Variants in DCC observed in about 807,000 individuals in gnomAD.
DCC encodes the protein DCC netrin 1 receptor.
In DCC, 58 loss-of-function variants were observed where a neutral mutation model predicts 172.5. The ratio of observed to expected loss-of-function variants is 0.34; its 90% confidence interval spans 0.27 to 0.42. The LOEUF (loss-of-function observed/expected upper bound fraction) is 0.42. Among genes scored for constraint, DCC ranks in the 10% least tolerant of loss-of-function variants. DCC has a pLI of 1.00. For synonymous variants in DCC, 709 were observed against 644.5 expected, an observed-to-expected ratio of 1.10 and a Z score of -1.52; for missense variants, 1,740 against 1,791.0, an observed-to-expected ratio of 0.97 and a Z score of 0.51.
chr18:53,519,528 GTT>G (rs34417946), intron 27 of DCC, among the ~76,000 whole-genome samples: 16 of 140,324 alleles, frequency 1.1e-4, no homozygotes, highest in South Asian at 4.5e-4. Flanking sequence ...AAAATGAAGT[GTT>G]TTTTTTTTTT....
chr18:52,886,289 C>T (rs574623115), intron 2 of DCC, among the ~76,000 whole-genome samples: 17 of 152,226 alleles, frequency 1.1e-4, no homozygotes, highest in African/African-American at 2.4e-4. Flanking sequence ...AACCCCAGAG[C>T]GCTTTGGACC....
At chr18:53,317,853 G>A (rs2057361405) in intron 13 of DCC, among the ~76,000 whole-genome samples, 2 of 152,034 alleles carry the variant, frequency 1.3e-5, no homozygotes, top group Admixed American at 6.5e-5. Context: ...CTTTTATTGT[G>A]TCTATTTGAT....
At chr18:52,441,061 CT>C (rs1007966695) in intron 1 of DCC, among the ~76,000 whole-genome samples, 10 of 152,088 alleles carry the variant, frequency 6.6e-5, no homozygotes, top group African/African-American at 2.4e-4. Flanking sequence ...TCAAGTTTGC[CT>C]TGAGGCTATG....
At chr18:52,654,130 C>T (rs933227123) in intron 1 of DCC, among the ~76,000 whole-genome samples, 1 of 152,174 alleles carries the variant, frequency 6.6e-6, no homozygotes, top group African/African-American at 2.4e-5. Flanking sequence ...CCAAATTCCT[C>T]ACATATTGCC....
intron 1 of DCC, among the ~76,000 whole-genome samples, chr18:52,448,727 T>G (rs927822036): frequency 6.6e-6 from 1 of 152,198 alleles, no homozygotes; most frequent in East Asian, 1.9e-4. Context: ...ATATACAGTT[T>G]TTACTTAGTG....
At chr18:52,908,917 C>T (rs1346831174) in intron 3 of DCC, among the ~76,000 whole-genome samples, 2 of 151,986 alleles carry the variant, frequency 1.3e-5, no homozygotes, top group South Asian at 2.1e-4. Context: ...CACATGCATG[C>T]GCACACACAC....
chr18:52,868,957 G>T (rs1447754015), intron 2 of DCC, among the ~76,000 whole-genome samples: 1 of 152,216 alleles, frequency 6.6e-6, no homozygotes, highest in Non-Finnish European at 1.5e-5. Context: ...AGTTTCCCCA[G>T]CTGGCACTGG....
At position 52,448,472 on chromosome 18, in the gene DCC, T is replaced by A. The variant is rs1306885125; in HGVS notation, c.91+107594T>A. Among the ~76,000 whole-genome samples the A allele has an allele frequency of 1.1e-4, 16 of 152,236 alleles. No individual in the cohort carries two copies. In the East Asian group the frequency reaches 1.5e-3, roughly 15 times the overall value. ...AGATAAATTTATAGAGTTTTTTTTT[T>A]AATTATTGGCTAAGCATTTTGAATT... On this transcript the variant is annotated intron_variant, in intron 1 of 28. Transcript: ENST00000442544.
chr18:52,834,756 TTCTC>T (rs1229715357), intron 2 of DCC, among the ~76,000 whole-genome samples: 1 of 152,220 alleles, frequency 6.6e-6, no homozygotes, highest in African/African-American at 2.4e-5. Context: ...ATTTTTTTAA[TTCTC>T]TGTGGTCTTC....
At chr18:53,348,940 C>T (rs1431391037) in intron 15 of DCC, among the ~76,000 whole-genome samples, 1 of 152,164 alleles carries the variant, frequency 6.6e-6, no homozygotes, top group Non-Finnish European at 1.5e-5. Context: ...GCCCTGGAGA[C>T]ATTTTCTCCA....
At chr18:53,117,852 T>G (rs2043429273) in intron 7 of DCC, among the ~76,000 whole-genome samples, 1 of 151,800 alleles carries the variant, frequency 6.6e-6, no homozygotes, top group Admixed American at 6.6e-5. Flanking sequence ...CACTGAAATT[T>G]GAATTTCACA....
intron 13 of DCC, among the ~76,000 whole-genome samples, chr18:53,318,511 A>T (rs1217090176): frequency 6.6e-6 from 1 of 152,170 alleles, no homozygotes; most frequent in Non-Finnish European, 1.5e-5. Flanking sequence ...CTTGGTCCAG[A>T]GCCGAGTTCA....
chr18:52,400,660 C>T (rs1187558642), intron 1 of DCC, among the ~76,000 whole-genome samples: 4 of 152,060 alleles, frequency 2.6e-5, no homozygotes, highest in African/African-American at 7.2e-5. Context: ...TTTATTGCAG[C>T]ACTGTTCACA....
intron 2 of DCC, among the ~76,000 whole-genome samples, chr18:52,830,831 T>C (rs546969752): frequency 1.1e-4 from 17 of 152,310 alleles, no homozygotes; most frequent in Middle Eastern, 6.8e-3. Flanking sequence ...TCAGGCACTA[T>C]TCCAATTACT....
intron 3 of DCC, among the ~76,000 whole-genome samples, chr18:52,909,122 G>T (rs2039931657): frequency 6.6e-6 from 1 of 152,272 alleles, no homozygotes; most frequent in African/African-American, 2.4e-5. Flanking sequence ...GCAAATCTCT[G>T]CTTCTCTTAG....
intron 27 of DCC, among the ~76,000 whole-genome samples, chr18:53,522,207 T>A (rs1195530390): frequency 6.6e-6 from 1 of 152,076 alleles, no homozygotes; most frequent in Non-Finnish European, 1.5e-5. Flanking sequence ...GCCAAGGTTT[T>A]TAGTGGCTGC....
intron 15 of DCC, among the ~76,000 whole-genome samples, chr18:53,381,521 A>C (rs1181927448): frequency 6.6e-6 from 1 of 151,286 alleles, no homozygotes; most frequent in Non-Finnish European, 1.5e-5. Flanking sequence ...CAAATCTCCT[A>C]GCATAAACAC....
At chr18:53,160,710 A>G (rs557310874) in intron 8 of DCC, among the ~76,000 whole-genome samples, 1 of 152,110 alleles carries the variant, frequency 6.6e-6, no homozygotes, top group African/African-American at 2.4e-5. Flanking sequence ...ATACGCTCCT[A>G]ATGATATTTC....
intron 1 of DCC, among the ~76,000 whole-genome samples, chr18:52,651,588 T>A (rs1015741194): frequency 2.0e-5 from 3 of 152,074 alleles, no homozygotes; most frequent in East Asian, 1.9e-4. Context: ...CCTTTTTATC[T>A]ATTGTGTAAT....
Sources: allele counts gnomAD v4.1 joint callset (sites outside exome capture counted in the v4.1 genomes callset), GRCh38; gene constraint gnomAD v4.1.1; transcripts MANE v1.5; gene names NCBI Gene and HGNC (gene_info 2026-07-23, HGNC 2026-07-21).